The following TBC1D10A variants were observed in gnomAD, a reference collection of about 807,000 sequenced individuals.
The protein encoded by TBC1D10A is EBP50-PDX interactor of 64 kDa.
In TBC1D10A, 24 loss-of-function variants were observed where a neutral mutation model predicts 52.9. The ratio of observed to expected loss-of-function variants is 0.45; its 90% CI spans 0.33 to 0.64. The LOEUF (loss-of-function observed/expected upper bound fraction) is 0.64. TBC1D10A is among the 30% of genes least tolerant of loss of function. The pLI is 0.02. For missense variants in TBC1D10A, 602 were observed against 687.9 expected, an observed-to-expected ratio of 0.88 and a Z score of 1.40; for synonymous variants, 278 against 282.9, an observed-to-expected ratio of 0.98 and a Z score of 0.17.
In TBC1D10A at chr22:30,295,046, G is replaced by C; in HGVS notation, c.534C>G (p.Asp178Glu). The change falls in exon 5 of 9, where the codon GAC (aspartate) becomes GAG (glutamate). Residue 178 changes from aspartate (D) to glutamate (E), a missense_variant. This residue lies in a region of TBC1D10A where 136 missense variants were observed against 208.4 expected (regional missense o/e 0.65). Coordinates refer to ENST00000215790, the MANE Select transcript of TBC1D10A (RefSeq NM_031937.3). ...FVSRGGHGQQ[D>E]LFRVLKAYTL... ...TGTAGGCCTTCAGCACACGGAATAG[G>C]TCCTGCTGGCTGTGGAGAGGCCGGG... The C allele has an allele frequency of 6.2e-6, 10 of 1,613,870 alleles. No homozygotes were observed. The highest frequency in any genetic ancestry group is 8.5e-6 in the Non-Finnish European group (10 of 1,180,014).
intron 1 of TBC1D10A, among the ~76,000 whole-genome samples, chr22:30,314,877 T>C (rs1262977413): frequency 2.8e-5 from 4 of 145,208 alleles, no homozygotes; most frequent in African/African-American, 7.7e-5. Flanking sequence ...AGGAGGGTGG[T>C]GGTAATTATT....
At chr22:30,318,660 T>G in intron 1 of TBC1D10A, 1 of 471,180 alleles carries the variant, frequency 2.1e-6, no homozygotes, top group South Asian at 1.5e-5. Context: ...CCTTCCTACC[T>G]CTCCATCAGC....
chr22:30,292,806 G>C lies in TBC1D10A; in HGVS notation c.1096C>G (p.Leu366Val). The change falls in exon 9 of 9, where the codon CTC becomes GTC. Residue 366 changes from leucine (L) to valine (V), a missense_variant. Physicochemically the swap from Leu to Val is conservative, Grantham distance 32. Transcript: ENST00000215790. ...TCCTGCCAGCGCCGCAGCTGAATGA[G>C]GTGTTCGCGCTCAATCTGGCGCTCT... ...VTERQIEREH[L>V]IQLRRWQETR... 2 of 1,611,892 alleles carry C rather than the reference G, an allele frequency of 1.2e-6. No homozygotes were observed. The highest frequency in any genetic ancestry group is 1.7e-6 in the Non-Finnish European group (2 of 1,179,960).
chr22:30,303,096 C>T (rs532678273), intron 2 of TBC1D10A, among the ~76,000 whole-genome samples: 2 of 152,290 alleles, frequency 1.3e-5, no homozygotes, highest in African/African-American at 4.8e-5. Context: ...GCCTGGGCAA[C>T]ATGGTGAAAC....
Position 30,293,759 on chromosome 22 carries a change from C to T in TBC1D10A, c.942G>A (p.Ala314=), listed in dbSNP as rs554102965. The change falls in exon 8 of 9, where the codon GCG becomes GCA. Residue 314 remains alanine (A), a synonymous_variant. Coordinates refer to ENST00000215790, the MANE Select transcript of TBC1D10A (RefSeq NM_031937.3). The part of the protein sequence containing the change: ...FRVGLVLLKH[A]LGSPEKVKAC... ...CTTTGACCTTCTCAGGGGAGCCCAG[C>T]GCGTGCTTCAGCAGCACCAGCCCCA... is the stretch of plus-strand genomic sequence containing the variant. 29 of 1,612,884 alleles carry T rather than the reference C, an allele frequency of 1.8e-5. No homozygotes were observed. The highest frequency in any genetic ancestry group is 3.3e-5 in the Admixed American group (2 of 60,000).
intron 1 of TBC1D10A, among the ~76,000 whole-genome samples, chr22:30,316,863 ACT>A (rs763096945): frequency 2.6e-5 from 4 of 151,626 alleles, no homozygotes; most frequent in Admixed American, 1.3e-4. Flanking sequence ...ACATAGTGAG[ACT>A]CTGTCTCTAC....
intron 2 of TBC1D10A, among the ~76,000 whole-genome samples, chr22:30,301,873 T>C (rs757787877): frequency 3.9e-5 from 6 of 152,192 alleles, no homozygotes; most frequent in Non-Finnish European, 8.8e-5. Flanking sequence ...TGAAGGGAAC[T>C]GCACTAGACG....
At chr22:30,311,271 C>A (rs1292755726) in intron 1 of TBC1D10A, among the ~76,000 whole-genome samples, 1 of 152,190 alleles carries the variant, frequency 6.6e-6, no homozygotes, top group East Asian at 1.9e-4. Flanking sequence ...ACTGGGAAAC[C>A]TATGAGATCA....
intron 1 of TBC1D10A, among the ~76,000 whole-genome samples, chr22:30,316,215 G>T (rs1930532964): frequency 6.6e-6 from 1 of 152,186 alleles, no homozygotes; most frequent in African/African-American, 2.4e-5. Context: ...GCCTGGTATG[G>T]TAGTTCATGC....
intron 1 of TBC1D10A, among the ~76,000 whole-genome samples, chr22:30,319,068 T>C (rs1163024097): frequency 6.6e-6 from 1 of 152,160 alleles, no homozygotes; most frequent in Admixed American, 6.5e-5. Flanking sequence ...CTCCCGTTCT[T>C]CTTGTCATCT....
At chr22:30,306,109 C>T (rs544002363) in intron 1 of TBC1D10A, among the ~76,000 whole-genome samples, 1 of 152,334 alleles carries the variant, frequency 6.6e-6, no homozygotes, top group African/African-American at 2.4e-5. Flanking sequence ...TGATACCTTC[C>T]ACCACCTATA....
rs1276100051 is a variant in TBC1D10A, at chr22:30,295,776, A to T, written c.485T>A (p.Phe162Tyr). 2 of 1,613,936 alleles carry T rather than the reference A, an allele frequency of 1.2e-6. No individual in the cohort carries two copies. Among genetic ancestry groups the T allele is most frequent in the African/African-American group, 2.7e-5 (2 of 74,936 alleles). The stretch of plus-strand genomic sequence containing the variant: ...GGACACAAACATCTCATGGAATGGG[A>T]ACTGCCGGTGCAGGTCACGCTCAAT... The part of the protein sequence containing the change: ...DVIERDLHRQ[F>Y]PFHEMFVSRG... Residue 162 changes from phenylalanine (F) to tyrosine (Y), a missense_variant, in exon 4 of 9, where the codon TTC becomes TAC. Around this residue, in one of 3 missense-constraint regions of TBC1D10A, gnomAD observed 136 missense variants for 208.4 expected, o/e 0.65. Coordinates refer to ENST00000215790, the MANE Select transcript of TBC1D10A (RefSeq NM_031937.3).
At chr22:30,300,797 G>C (rs903273594) in intron 2 of TBC1D10A, 2 of 152,274 alleles carry the variant, frequency 1.3e-5, no homozygotes, top group African/African-American at 4.8e-5. Flanking sequence ...CTGGGGCATA[G>C]GCAGCTGGCC....
chr22:30,326,876 C>A lies in TBC1D10A; in HGVS notation c.6G>T (p.Ala2=). M[A]KSNGENGPRA... ...GCGGCCCATTCTCTCCGTTGCTCTT[C>A]GCCATCCCAGCCGCGCCCGCCGCCT... The change falls in exon 1 of 9, where the codon GCG becomes GCT. Residue 2 remains alanine (A), a synonymous_variant. Coordinates refer to ENST00000215790, the MANE Select transcript of TBC1D10A (RefSeq NM_031937.3). 1 of 1,496,530 alleles carries A rather than the reference C, an allele frequency of 6.7e-7. No individual in the cohort carries two copies. The highest frequency in any genetic ancestry group is 1.3e-5 in the South Asian group (1 of 79,956). The allele number at this position is 1,496,530 out of a possible 1,614,324, so 92.7% of individuals were successfully genotyped here. A position where few individuals can be genotyped will look rare whatever the true frequency, so the allele number is the denominator to read the frequency against.
At chr22:30,296,028 G>T in intron 3 of TBC1D10A, 185 bp from the exon 4 acceptor site, 1 of 603,490 alleles carries the variant, frequency 1.7e-6, no homozygotes, top group Non-Finnish European at 2.9e-6. Context: ...CTGGGCAGGG[G>T]CAAAGGGGCA....
chr22:30,296,023 CAGGGGCAA>C (rs2145763650), intron 3 of TBC1D10A, 180 bp from the exon 4 acceptor site: 1 of 616,244 alleles, frequency 1.6e-6, no homozygotes, highest in South Asian at 2.0e-5. Context: ...AATGCCTGGG[CAGGGGCAA>C]AGGGGCAAGG....
chr22:30,310,342 CTCT>C (rs1339899705), intron 1 of TBC1D10A, among the ~76,000 whole-genome samples: 2 of 152,214 alleles, frequency 1.3e-5, no homozygotes, highest in African/African-American at 4.8e-5. Flanking sequence ...AATTTCACAT[CTCT>C]TTTCTCATCT....
intron 1 of TBC1D10A, among the ~76,000 whole-genome samples, chr22:30,310,891 T>C (rs1930412068): frequency 6.6e-6 from 1 of 151,930 alleles, no homozygotes; most frequent in South Asian, 2.1e-4. Context: ...CTTATCACCC[T>C]CTGTGCCGAG....
At chr22:30,320,656 G>C (rs969388693) in intron 1 of TBC1D10A, among the ~76,000 whole-genome samples, 1 of 152,190 alleles carries the variant, frequency 6.6e-6, no homozygotes, top group Non-Finnish European at 1.5e-5. Flanking sequence ...GCCGACAGGG[G>C]CTGGGCCTCA....
Sources: allele counts gnomAD v4.1 joint callset (sites outside exome capture counted in the v4.1 genomes callset), GRCh38; gene constraint gnomAD v4.1.1; regional missense constraint gnomAD v4.1.1; transcripts MANE v1.5; gene names NCBI Gene and HGNC (gene_info 2026-07-23, HGNC 2026-07-21).